NDE1: variants seen among roughly 807,000 people sequenced by gnomAD.
NDE1 encodes nuclear distribution protein nudE homolog 1.
NDE1 carries 28 observed loss-of-function variants against 43.4 expected under a neutral mutation model. The ratio of observed to expected loss-of-function variants is 0.65; its 90% confidence interval spans 0.48 to 0.89. The LOEUF (loss-of-function observed/expected upper bound fraction) is 0.89. Ranked by LOEUF, NDE1 falls within the 40% of genes least tolerant of loss-of-function variation. The pLI, the probability that NDE1 is intolerant of heterozygous loss-of-function variation, is 0.00. For synonymous variants in NDE1, 184 were observed against 172.0 expected (o/e 1.07, Z -0.55); for missense variants, 441 against 434.1 (o/e 1.02, Z -0.14).
intron 3 of NDE1, 123 bp downstream of exon 3, chr16:15,667,562 T>C: frequency 8.4e-7 from 1 of 1,190,072 alleles, no homozygotes; most frequent in Non-Finnish European, 1.2e-6. Flanking sequence ...TGCTCATCTC[T>C]GGAAGGGCCT....
intron 3 of NDE1, among the ~76,000 whole-genome samples, chr16:15,671,945 C>G (rs2151462710): frequency 6.6e-6 from 1 of 152,172 alleles, no homozygotes; most frequent in South Asian, 2.1e-4. Context: ...GCCTCGGCCT[C>G]TCAAAGTGCT....
Position 15,682,879 on chromosome 16 carries a change from T to C in NDE1, c.387-4496T>C, listed in dbSNP as rs143011560. ...AGCTGGGACTACATTGCATGTGCCA[T>C]TATGCCCAGCTAATTTTTCTATTTT... is the stretch of plus-strand genomic sequence containing the variant. On this transcript the variant is annotated intron_variant, in intron 4 of 8. Coordinates refer to ENST00000396354, the MANE Select transcript of NDE1 (RefSeq NM_017668.3). Among the ~76,000 whole-genome samples, 93 of 152,182 alleles carry C rather than the reference T, an allele frequency of 6.1e-4. 1 individual carries two copies. In the East Asian group the frequency reaches 0.016, roughly 26 times the overall value.
intron 4 of NDE1, 103 bp downstream of exon 4, chr16:15,678,052 G>T: frequency 1.4e-6 from 2 of 1,427,636 alleles, no homozygotes; most frequent in Non-Finnish European, 9.8e-7. Context: ...GAACTAAGCA[G>T]TGAGCAGAAC....
At chr16:15,674,448 C>G (rs1198539274) in intron 3 of NDE1, among the ~76,000 whole-genome samples, 1 of 151,928 alleles carries the variant, frequency 6.6e-6, no homozygotes, top group Non-Finnish European at 1.5e-5. Context: ...GGGGTTTCAC[C>G]ATGTTGTCCA....
At chr16:15,715,373 C>T (rs188958006) in intron 8 of NDE1, 63 of 1,000,160 alleles carry the variant, frequency 6.3e-5, no homozygotes, top group Middle Eastern at 2.7e-4. Flanking sequence ...TCCTGAGCCC[C>T]GTATCTGGAC....
intron 3 of NDE1, among the ~76,000 whole-genome samples, chr16:15,676,467 C>A (rs1360426862): frequency 6.6e-6 from 1 of 152,040 alleles, no homozygotes; most frequent in African/African-American, 2.4e-5. Context: ...CCACCTCAGC[C>A]CTCCAAAGTG....
chr16:15,665,687 T>C (rs2037265068), intron 2 of NDE1, among the ~76,000 whole-genome samples: 1 of 151,728 alleles, frequency 6.6e-6, no homozygotes, highest in Non-Finnish European at 1.5e-5. Context: ...TCACGTGATC[T>C]GCCCGTCTCA....
At chr16:15,694,553 G>C (rs780672272) in intron 7 of NDE1, 1 of 869,096 alleles carries the variant, frequency 1.2e-6, no homozygotes, top group Non-Finnish European at 1.4e-6. Context: ...TCGCTGTGTT[G>C]CCCAGGCTGG....
chr16:15,688,147 G>A (rs1411489608), intron 5 of NDE1, among the ~76,000 whole-genome samples: 1 of 152,218 alleles, frequency 6.6e-6, no homozygotes, highest in East Asian at 1.9e-4. Flanking sequence ...GTGCACTCCA[G>A]CCTGGGTGAC....
intron 8 of NDE1, chr16:15,699,622 C>A (rs1209096271): frequency 2.4e-6 from 3 of 1,251,948 alleles, no homozygotes; most frequent in Admixed American, 2.6e-5. Context: ...CCCTGTGAGA[C>A]CCTGCTCCTG....
chr16:15,666,060 T>C (rs2037290272), intron 2 of NDE1, among the ~76,000 whole-genome samples: 1 of 152,116 alleles, frequency 6.6e-6, no homozygotes, highest in Non-Finnish European at 1.5e-5. Flanking sequence ...CCGGTGTCCA[T>C]CTTATTTTCT....
intron 8 of NDE1, chr16:15,719,501 T>G: frequency 6.2e-7 from 1 of 1,600,504 alleles, no homozygotes; most frequent in Non-Finnish European, 8.5e-7. Flanking sequence ...CGAAATGAAA[T>G]CTGGGAATGC....
At chr16:15,648,537 T>C (rs2036377170), upstream of NDE1, among the ~76,000 whole-genome samples, 2 of 152,166 alleles carry the variant, frequency 1.3e-5, no homozygotes, top group African/African-American at 4.8e-5. Context: ...CCTTCTGAGT[T>C]ACATGGCTCA....
chr16:15,681,075 A>T (rs2038149489), intron 4 of NDE1, among the ~76,000 whole-genome samples: 1 of 143,598 alleles, frequency 7.0e-6, no homozygotes, highest in Non-Finnish European at 1.5e-5. Context: ...TTGGTTCTTG[A>T]TTGTTCATGT....
intron 2 of NDE1, 129 bp from the exon 3 acceptor site, chr16:15,667,157 A>C: frequency 9.6e-7 from 1 of 1,039,562 alleles, no homozygotes. Context: ...GAGGCAGGAG[A>C]ATCGCTTGAA....
At chr16:15,691,122 C>A (rs1395533879) in intron 5 of NDE1, 22 bp from the exon 6 acceptor site, 1 of 1,614,024 alleles carries the variant, frequency 6.2e-7, no homozygotes, top group Admixed American at 1.7e-5. Context: ...ACTTGAATTC[C>A]TGAATCCTTT....
At chr16:15,715,415 G>C in intron 8 of NDE1, 1 of 758,012 alleles carries the variant, frequency 1.3e-6, no homozygotes, top group Non-Finnish European at 2.3e-6. Context: ...TGGTGGAATA[G>C]TATTCAGCCA....
intron 4 of NDE1, among the ~76,000 whole-genome samples, chr16:15,680,348 T>C (rs1031582584): frequency 2.6e-5 from 4 of 152,166 alleles, no homozygotes; most frequent in African/African-American, 9.6e-5. Flanking sequence ...AAAAATCTTG[T>C]AAAGATGCAG....
At position 15,720,071 on chromosome 16, in the gene NDE1, G is replaced by A. The variant is rs527384171; in HGVS notation, c.948-4120G>A. 57 of 1,586,744 alleles carry A rather than the reference G, an allele frequency of 3.6e-5. No homozygotes were observed. In the East Asian group the frequency reaches 1.1e-3, roughly 29 times the overall value. ...GGCAGGTGCAGGCTTGCTTCCTGGA[G>A]CCCGCTCTGCTGACTTCGGTGGCCT... On this transcript the variant is annotated intron_variant, in intron 8 of 8. Coordinates refer to ENST00000396354, the MANE Select transcript of NDE1 (RefSeq NM_017668.3).
Sources: gnomAD v4.1 joint callset for allele counts (sites outside exome capture counted in the v4.1 genomes callset) on GRCh38, gnomAD v4.1.1 for gene constraint, MANE v1.5 for transcripts, NCBI Gene and HGNC (gene_info 2026-07-23, HGNC 2026-07-21) for gene names.